TRHDE: variants seen among roughly 807,000 people sequenced by gnomAD.
TRHDE encodes thyrotropin releasing hormone degrading enzyme, also known as thyrotropin-releasing hormone-degrading ectoenzyme.
TRHDE carries 72 observed loss-of-function variants against 125.7 expected under a neutral mutation model. The ratio of observed to expected loss-of-function variants is 0.57; its 90% CI spans 0.47 to 0.70. The LOEUF is 0.70. Ranked by LOEUF, TRHDE falls within the 30% of genes least tolerant of loss-of-function variation. TRHDE has a pLI of 0.00. For missense variants in TRHDE, 1,110 were observed against 1,327.1 expected, an observed-to-expected ratio of 0.84 and a Z score of 2.54; for synonymous variants, 509 against 509.1, an observed-to-expected ratio of 1.00 and a Z score of 0.00.
intron 2 of TRHDE, among the ~76,000 whole-genome samples, chr12:72,241,100 C>T (rs1212090073): frequency 6.6e-6 from 1 of 152,068 alleles, no homozygotes; most frequent in Non-Finnish European, 1.5e-5. Flanking sequence ...TAATTATCCC[C>T]AATCCAACCC....
chr12:72,486,013 G>T (rs1346930245), intron 5 of TRHDE, among the ~76,000 whole-genome samples: 2 of 152,126 alleles, frequency 1.3e-5, no homozygotes, highest in Non-Finnish European at 1.5e-5. Context: ...CCACTGTGTG[G>T]TACCTCATAC....
chr12:72,653,210 A>C, intron 17 of TRHDE, 54 bp downstream of exon 17: 1 of 1,468,682 alleles, frequency 6.8e-7, no homozygotes. Context: ...CATAGGAGGA[A>C]TAAAGGCCCA....
chr12:72,596,820 T>A (rs1871960092), intron 12 of TRHDE, among the ~76,000 whole-genome samples: 1 of 152,150 alleles, frequency 6.6e-6, no homozygotes, highest in Admixed American at 6.5e-5. Flanking sequence ...CTGCAACAGA[T>A]GAATGTAGAA....
intron 3 of TRHDE, among the ~76,000 whole-genome samples, chr12:72,387,965 A>G (rs1390200275): frequency 2.0e-5 from 3 of 152,108 alleles, no homozygotes; most frequent in Non-Finnish European, 2.9e-5. Flanking sequence ...GTGAAAACAG[A>G]CTAATACAGT....
intron 5 of TRHDE, among the ~76,000 whole-genome samples, chr12:72,481,086 G>A (rs1398627599): frequency 1.3e-5 from 2 of 151,912 alleles, no homozygotes; most frequent in African/African-American, 4.8e-5. Flanking sequence ...GGGACTCAGA[G>A]GGCAACCAAA....
chr12:72,638,298 T>C (rs1286974080), intron 15 of TRHDE, among the ~76,000 whole-genome samples: 1 of 151,584 alleles, frequency 6.6e-6, no homozygotes, highest in African/African-American at 2.4e-5. Flanking sequence ...TGGTTGAAAG[T>C]CTGTTTTATC....
At chr12:72,150,606 T>C (rs1314458488) in intron 2 of TRHDE, among the ~76,000 whole-genome samples, 1 of 142,082 alleles carries the variant, frequency 7.0e-6, no homozygotes, top group Non-Finnish European at 1.5e-5. Flanking sequence ...TGTCCATGTG[T>C]TCTCATTGTT....
intron 3 of TRHDE, among the ~76,000 whole-genome samples, chr12:72,429,109 C>T (rs914621751): frequency 6.6e-6 from 1 of 151,974 alleles, no homozygotes; most frequent in Non-Finnish European, 1.5e-5. Flanking sequence ...AAACCAAACA[C>T]TGCATGTTCT....
intron 2 of TRHDE, among the ~76,000 whole-genome samples, chr12:72,215,637 C>T (rs1451060383): frequency 2.6e-5 from 4 of 152,160 alleles, no homozygotes; most frequent in Non-Finnish European, 5.9e-5. Context: ...GCTTTGTTTT[C>T]AAGGCTTATT....
At chr12:72,124,454 G>A (rs1286503416) in intron 2 of TRHDE, among the ~76,000 whole-genome samples, 3 of 152,106 alleles carry the variant, frequency 2.0e-5, no homozygotes, top group Non-Finnish European at 1.5e-5. Context: ...ATAGAGCTGG[G>A]AACAACAGAT....
intron 5 of TRHDE, among the ~76,000 whole-genome samples, chr12:72,479,231 A>C (rs1877045147): frequency 6.6e-6 from 1 of 152,184 alleles, no homozygotes; most frequent in African/African-American, 2.4e-5. Flanking sequence ...ATAATACTAC[A>C]ACTGAAGAAT....
intron 12 of TRHDE, among the ~76,000 whole-genome samples, chr12:72,583,205 A>G (rs529476477): frequency 6.6e-6 from 1 of 152,334 alleles, no homozygotes; most frequent in African/African-American, 2.4e-5. Flanking sequence ...AAAGTTATAA[A>G]ATTATTTATT....
intron 2 of TRHDE, chr12:72,262,620 T>C (rs964936486): frequency 6.6e-6 from 1 of 152,148 alleles, no homozygotes; most frequent in African/African-American, 2.4e-5. Context: ...CTTGCAACTA[T>C]ATCTTTACAG....
At chr12:72,538,946 C>T (rs1869004139) in intron 6 of TRHDE, among the ~76,000 whole-genome samples, 1 of 151,806 alleles carries the variant, frequency 6.6e-6, no homozygotes, top group Non-Finnish European at 1.5e-5. Flanking sequence ...TCTTATTTTC[C>T]ATCTAATCTT....
At chr12:72,640,175 C>T (rs977169261) in intron 15 of TRHDE, among the ~76,000 whole-genome samples, 1 of 152,260 alleles carries the variant, frequency 6.6e-6, no homozygotes, top group Non-Finnish European at 1.5e-5. Context: ...GCGTAGGACC[C>T]TCCGAGCCAG....
chr12:72,568,051 C>G (rs904789760), intron 9 of TRHDE, among the ~76,000 whole-genome samples: 1 of 151,940 alleles, frequency 6.6e-6, no homozygotes, highest in Non-Finnish European at 1.5e-5. Context: ...GGGAATCTGA[C>G]TAGTTTTTTT....
At position 72,441,693 on chromosome 12, in the gene TRHDE, G is replaced by T. The variant is rs486900; in HGVS notation, c.1316-28065G>T. Among the ~76,000 whole-genome samples the T allele has an allele frequency of 3.2e-3, 489 of 151,812 alleles. 1 individual carries two copies. Among genetic ancestry groups the T allele is most frequent in the African/African-American group, 0.011 (455 of 41,442 alleles). ...GTGTATTCTCATTTCCAGAGAACTC[G>T]AAGCTATTCCATTCCAGTTGACGTT... On this transcript the variant is annotated intron_variant, in intron 3 of 18. Transcript: ENST00000261180.
chr12:72,151,231 C>T (rs927647646), intron 2 of TRHDE, among the ~76,000 whole-genome samples: 13 of 152,206 alleles, frequency 8.5e-5, no homozygotes, highest in Non-Finnish European at 1.9e-4. Flanking sequence ...CCTTCACCCA[C>T]TTTTTGATGG....
At position 72,516,203 on chromosome 12, in the gene TRHDE, G is replaced by C. The variant is rs553705089; in HGVS notation, c.1722+16568G>C. 4.6e-5 allele frequency among the ~76,000 whole-genome samples: 7 copies of C among 151,382 alleles called. No homozygotes were observed. In the South Asian group the frequency reaches 1.5e-3, roughly 32 times the overall value. Reference sequence around the variant, plus strand: ...AAGAAAGTCATTGGTAGCTTGATGGGGATGGCATTGAATCTGTAAATTACC... The same window carrying C: ...AAGAAAGTCATTGGTAGCTTGATGGCGATGGCATTGAATCTGTAAATTACC... On this transcript the variant is annotated intron_variant, in intron 6 of 18. Transcript: ENST00000261180.
Sources: gnomAD v4.1 joint callset for allele counts (sites outside exome capture counted in the v4.1 genomes callset) on GRCh38, gnomAD v4.1.1 for gene constraint, MANE v1.5 for transcripts, NCBI Gene and HGNC (gene_info 2026-07-23, HGNC 2026-07-21) for gene names.